The following SLC44A1 variants were observed in gnomAD, a reference collection of about 807,000 sequenced individuals.
The protein encoded by SLC44A1 is choline transporter-like protein 1.
In SLC44A1, 26 loss-of-function variants were observed where a neutral mutation model predicts 79.3. The ratio of observed to expected loss-of-function variants is 0.33; its 90% confidence interval spans 0.24 to 0.46. SLC44A1 has a LOEUF of 0.46. SLC44A1 is among the 20% of genes least tolerant of loss of function. The pLI is 1.00. For missense variants in SLC44A1, 688 were observed against 798.1 expected (o/e 0.86, Z 1.66); for synonymous variants, 263 against 286.2 (o/e 0.92, Z 0.82).
At chr9:105,287,639 A>G (rs1423855079) in intron 1 of SLC44A1, among the ~76,000 whole-genome samples, 2 of 152,216 alleles carry the variant, frequency 1.3e-5, no homozygotes, top group East Asian at 1.9e-4. Flanking sequence ...AAAACAATGC[A>G]TGCTATAGAG....
At chr9:105,269,202 A>C (rs751434781) in intron 1 of SLC44A1, among the ~76,000 whole-genome samples, 15 of 152,226 alleles carry the variant, frequency 9.9e-5, no homozygotes, top group Non-Finnish European at 1.8e-4. Context: ...CATTCACTAT[A>C]GGGTGGCCTG....
At chr9:105,307,984 G>T (rs565135849) in intron 2 of SLC44A1, among the ~76,000 whole-genome samples, 25 of 152,278 alleles carry the variant, frequency 1.6e-4, no homozygotes, top group African/African-American at 5.1e-4. Context: ...AGTTTGTGCT[G>T]CTTGGAGGCA....
At position 105,389,956 on chromosome 9, in the gene SLC44A1, C is replaced by A; in HGVS notation, c.*900C>A. ...AGGGACAGAAACATGGAACATAAAG[C>A]ATTGAAAATTCCGGTGCTTGGGCTT... On this transcript the variant is annotated 3_prime_UTR_variant, in exon 16 of 16. Transcript: ENST00000374720. 1 of 1,489,998 alleles carries A rather than the reference C, an allele frequency of 6.7e-7. No individual in the cohort carries two copies. The highest frequency in any genetic ancestry group is 2.6e-5 in the East Asian group (1 of 37,894). 92.3% of individuals were successfully genotyped at this position (1,489,998 alleles called of 1,614,324 possible).
chr9:105,438,218 ACTT>A (rs1829488428), intron 15 of SLC44A1: 2 of 1,401,884 alleles, frequency 1.4e-6, no homozygotes, highest in Non-Finnish European at 2.0e-6. Context: ...GTTATTGATT[ACTT>A]CTCATTGTGT....
chr9:105,405,300 G>C (rs183259429), intron 15 of SLC44A1, among the ~76,000 whole-genome samples: 5 of 150,176 alleles, frequency 3.3e-5, no homozygotes, highest in Middle Eastern at 3.4e-3. Flanking sequence ...CAGCCTGGGC[G>C]ACAGAGCAAG....
intron 1 of SLC44A1, among the ~76,000 whole-genome samples, chr9:105,254,275 TC>T (rs1829654415): frequency 6.6e-6 from 1 of 152,196 alleles, no homozygotes; most frequent in South Asian, 2.1e-4. Flanking sequence ...CTATGGCTCT[TC>T]TTACCGTCTT....
At chr9:105,379,421 A>G (rs984700555) in intron 13 of SLC44A1, among the ~76,000 whole-genome samples, 1 of 152,240 alleles carries the variant, frequency 6.6e-6, no homozygotes, top group Non-Finnish European at 1.5e-5. Context: ...CACAGTATCA[A>G]TGTCAATATC....
At chr9:105,268,986 T>C (rs954535012) in intron 1 of SLC44A1, among the ~76,000 whole-genome samples, 44 of 152,354 alleles carry the variant, frequency 2.9e-4, no homozygotes, top group African/African-American at 1.0e-3. Flanking sequence ...TTGTTTCTTG[T>C]AGAATTTTAA....
Position 105,390,764 on chromosome 9 carries a change from A to T in SLC44A1, c.*1708A>T. ...CTGATTTTTCAGAATATTTGCAATA[A>T]GAGTCTGGATTTTAAAAAACACATG... On this transcript the variant is annotated 3_prime_UTR_variant, in exon 16 of 16. Transcript: ENST00000374720. The T allele has an allele frequency of 1.0e-6, 1 of 985,436 alleles. No individual in the cohort carries two copies. The highest frequency in any genetic ancestry group is 1.7e-5 in the African/African-American group (1 of 57,350). 61.0% of individuals were successfully genotyped at this position (985,436 alleles called of 1,614,324 possible).
intron 3 of SLC44A1, among the ~76,000 whole-genome samples, chr9:105,317,532 A>G (rs568240141): frequency 6.6e-6 from 1 of 152,206 alleles, no homozygotes; most frequent in African/African-American, 2.4e-5. Flanking sequence ...AGAGGTGACT[A>G]GATGGTTATG....
In SLC44A1 at chr9:105,389,805, A is replaced by C; in HGVS notation, c.*749A>C. On this transcript the variant is annotated 3_prime_UTR_variant, in exon 16 of 16. Coordinates refer to ENST00000374720, the MANE Select transcript of SLC44A1 (RefSeq NM_080546.5). ...ATATTTTGTCTTTCTTTCCTTTTTGACTTTAGTAGCATCCTCCACACATTT... is the reference window on the plus strand; with the variant it reads ...ATATTTTGTCTTTCTTTCCTTTTTGCCTTTAGTAGCATCCTCCACACATTT... The C allele has an allele frequency of 2.2e-6, 3 of 1,347,688 alleles. No individual in the cohort carries two copies. The highest frequency in any genetic ancestry group is 2.9e-6 in the Non-Finnish European group (3 of 1,044,332). 83.5% of individuals were successfully genotyped at this position (1,347,688 alleles called of 1,614,324 possible).
At chr9:105,249,768 C>T (rs1829539380) in intron 1 of SLC44A1, among the ~76,000 whole-genome samples, 1 of 151,462 alleles carries the variant, frequency 6.6e-6, no homozygotes, top group Non-Finnish European at 1.5e-5. Context: ...CTCCTGACCT[C>T]AGATGATCCA....
At chr9:105,435,714 T>C (rs1034130972) in intron 15 of SLC44A1, among the ~76,000 whole-genome samples, 4 of 152,162 alleles carry the variant, frequency 2.6e-5, no homozygotes, top group Non-Finnish European at 5.9e-5. Flanking sequence ...GACCATGGTG[T>C]AGCCTGTTGA....
At chr9:105,245,192 G>T (rs972010941) in intron 1 of SLC44A1, among the ~76,000 whole-genome samples, 7 of 151,082 alleles carry the variant, frequency 4.6e-5, no homozygotes, top group African/African-American at 1.7e-4. Context: ...CACCTGAGCT[G>T]CCCGTCCCGC....
intron 1 of SLC44A1, among the ~76,000 whole-genome samples, chr9:105,295,340 T>A (rs1254103908): frequency 6.6e-6 from 1 of 152,232 alleles, no homozygotes; most frequent in African/African-American, 2.4e-5. Flanking sequence ...CGCAAGATCC[T>A]GTGAAGGGGA....
intron 3 of SLC44A1, among the ~76,000 whole-genome samples, chr9:105,334,580 T>A (rs1004545910): frequency 2.6e-5 from 4 of 152,206 alleles, no homozygotes; most frequent in Non-Finnish European, 4.4e-5. Context: ...CTCAGTGGAA[T>A]TGAACCCTGG....
downstream of SLC44A1, among the ~76,000 whole-genome samples, chr9:105,398,370 G>C (rs1828913588): frequency 6.6e-6 from 1 of 152,178 alleles, no homozygotes; most frequent in Non-Finnish European, 1.5e-5. Context: ...AGTTGTTACA[G>C]AATAATCGTG....
intron 13 of SLC44A1, among the ~76,000 whole-genome samples, chr9:105,382,019 T>C (rs1390567637): frequency 6.6e-6 from 1 of 152,184 alleles, no homozygotes; most frequent in East Asian, 1.9e-4. Context: ...GGAAAGAGTG[T>C]GTCTAGAATT....
chr9:105,282,029 A>T (rs1463250178), intron 1 of SLC44A1, among the ~76,000 whole-genome samples: 1 of 152,238 alleles, frequency 6.6e-6, no homozygotes, highest in Non-Finnish European at 1.5e-5. Flanking sequence ...TGAGAAAAGT[A>T]GCTGTAACAG....
Sources: gnomAD v4.1 joint callset for allele counts (sites outside exome capture counted in the v4.1 genomes callset) on GRCh38, gnomAD v4.1.1 for gene constraint, MANE v1.5 for transcripts, NCBI Gene and HGNC (gene_info 2026-07-23, HGNC 2026-07-21) for gene names.